UNC5C: variants seen among roughly 807,000 people sequenced by gnomAD.
The protein encoded by UNC5C is netrin receptor UNC5C.
A neutral mutation model predicts 99.8 loss-of-function variants in UNC5C; 47 were observed. That is an observed-to-expected ratio of 0.47 (90% CI 0.37 to 0.60). The LOEUF is 0.60. Ranked by LOEUF, UNC5C falls within the 20% of genes least tolerant of loss-of-function variation. The pLI, the probability that UNC5C is intolerant of heterozygous loss-of-function variation, is 0.00. For synonymous variants in UNC5C, 487 were observed against 452.2 expected (o/e 1.08, Z -0.98); for missense variants, 1,062 against 1,165.9 (o/e 0.91, Z 1.30).
intron 4 of UNC5C, among the ~76,000 whole-genome samples, chr4:95,267,560 C>T (rs1740493994): frequency 6.6e-6 from 1 of 152,102 alleles, no homozygotes; most frequent in Non-Finnish European, 1.5e-5. Context: ...GGAATGTGAG[C>T]CATAGTCGGC....
At chr4:95,543,732 T>A (rs1038447046) in intron 1 of UNC5C, among the ~76,000 whole-genome samples, 1 of 152,202 alleles carries the variant, frequency 6.6e-6, no homozygotes, top group African/African-American at 2.4e-5. Flanking sequence ...CAGTATCCCT[T>A]GAGAAAATAG....
At chr4:95,185,565 C>A (rs1010537785) in intron 12 of UNC5C, among the ~76,000 whole-genome samples, 3 of 152,076 alleles carry the variant, frequency 2.0e-5, no homozygotes, top group Non-Finnish European at 2.9e-5. Context: ...GAAATGTAGA[C>A]AAACTGATTG....
intron 1 of UNC5C, among the ~76,000 whole-genome samples, chr4:95,408,553 T>C (rs1273146469): frequency 6.6e-6 from 1 of 152,190 alleles, no homozygotes. Context: ...AAAGCATTTG[T>C]TACCAAGTAT....
intron 4 of UNC5C, among the ~76,000 whole-genome samples, chr4:95,271,042 T>C (rs1740640243): frequency 1.3e-5 from 2 of 152,154 alleles, no homozygotes; most frequent in South Asian, 4.1e-4. Flanking sequence ...ATATAAAAAT[T>C]ATTGGAAGAA....
chr4:95,349,322 GGTGT>G (rs151051852), intron 1 of UNC5C, among the ~76,000 whole-genome samples: 8 of 120,602 alleles, frequency 6.6e-5, no homozygotes, highest in Non-Finnish European at 9.2e-5. Flanking sequence ...AGAGAGAAAG[GGTGT>G]GTGTGTGTGT....
At chr4:95,364,296 T>A (rs377652599) in intron 1 of UNC5C, among the ~76,000 whole-genome samples, 1 of 152,184 alleles carries the variant, frequency 6.6e-6, no homozygotes, top group East Asian at 1.9e-4. Flanking sequence ...AACCTCTTTT[T>A]GATACACCAA....
intron 2 of UNC5C, among the ~76,000 whole-genome samples, chr4:95,327,068 A>G (rs1159434560): frequency 6.6e-6 from 1 of 152,178 alleles, no homozygotes; most frequent in Non-Finnish European, 1.5e-5. Context: ...ACGTTTCAAG[A>G]CTTAATGTAT....
rs1254201501 is a variant in UNC5C, at chr4:95,414,321, G to T, written c.125-78690C>A. 2.6e-5 allele frequency among the ~76,000 whole-genome samples: 4 copies of T among 151,998 alleles called. No homozygotes were observed. The East Asian group carries it at 7.7e-4, about 29-fold the overall frequency. ...ATACTGACGAAGAAATTAAGCAAGG[G>T]TCCAAGGGTCTACACTTCCTACAAA... On this transcript the variant is annotated intron_variant, in intron 1 of 15. Transcript: ENST00000453304.
chr4:95,358,657 C>A (rs757723444), intron 1 of UNC5C, among the ~76,000 whole-genome samples: 13 of 152,172 alleles, frequency 8.5e-5, no homozygotes, highest in Non-Finnish European at 1.8e-4. Context: ...AGGCTTCTGG[C>A]CTTTTCTCCC....
chr4:95,435,375 C>T (rs773885903), intron 1 of UNC5C, among the ~76,000 whole-genome samples: 9 of 151,926 alleles, frequency 5.9e-5, no homozygotes, highest in South Asian at 2.1e-4. Context: ...CTAGGTTCAC[C>T]GTCTTCAATT....
At chr4:95,545,093 T>G (rs1723023017) in intron 1 of UNC5C, among the ~76,000 whole-genome samples, 1 of 152,176 alleles carries the variant, frequency 6.6e-6, no homozygotes, top group Non-Finnish European at 1.5e-5. Context: ...GTTCATGTCC[T>G]TAGGGGGGGT....
chr4:95,489,967 G>A (rs1005738020), intron 1 of UNC5C, among the ~76,000 whole-genome samples: 4 of 151,566 alleles, frequency 2.6e-5, no homozygotes, highest in Non-Finnish European at 5.9e-5. Flanking sequence ...GGAACTTAAT[G>A]AGATTACCTA....
chr4:95,492,703 G>A (rs1017627304), intron 1 of UNC5C, among the ~76,000 whole-genome samples: 4 of 151,394 alleles, frequency 2.6e-5, no homozygotes, highest in African/African-American at 9.7e-5. Flanking sequence ...TAATGGAGAG[G>A]CCTGCTGTGA....
chr4:95,410,226 C>A (rs1422704489), intron 1 of UNC5C, among the ~76,000 whole-genome samples: 2 of 152,058 alleles, frequency 1.3e-5, no homozygotes, highest in African/African-American at 4.8e-5. Flanking sequence ...ACTGATGCAC[C>A]TCTTAATTAT....
chr4:95,389,082 C>T (rs1745286764), intron 1 of UNC5C, among the ~76,000 whole-genome samples: 1 of 152,018 alleles, frequency 6.6e-6, no homozygotes, highest in African/African-American at 2.4e-5. Context: ...TTTGATAGGC[C>T]TGCTGTTATT....
chr4:95,407,230 G>A (rs1745855493), intron 1 of UNC5C, among the ~76,000 whole-genome samples: 1 of 152,120 alleles, frequency 6.6e-6, no homozygotes, highest in Non-Finnish European at 1.5e-5. Context: ...AGTATCGATT[G>A]ACTATATGAA....
At position 95,219,051 on chromosome 4, in the gene UNC5C, A is replaced by T. The variant is rs1738361974; in HGVS notation, c.1563T>A (p.Ser521Arg). ...ENEALSLKNQ[S>R]LARQTDPSCT... Reference sequence around the variant, plus strand: ...AGGATGGATCAGTCTGCCTTGCTAGACTCTGGTTCTTCAGGCTGAGGGCTT... The same window carrying T: ...AGGATGGATCAGTCTGCCTTGCTAGTCTCTGGTTCTTCAGGCTGAGGGCTT... The change falls in exon 9 of 16, where the codon AGT (serine) becomes AGA (arginine). Residue 521 changes from serine to arginine, a missense_variant. By Grantham distance (110) the Ser-to-Arg change is moderately radical. Transcript: ENST00000453304. 1 of 1,614,020 alleles carries T rather than the reference A, an allele frequency of 6.2e-7. No individual in the cohort carries two copies. The highest frequency in any genetic ancestry group is 2.2e-5 in the East Asian group (1 of 44,874).
At chr4:95,537,538 C>T (rs374189438) in intron 1 of UNC5C, among the ~76,000 whole-genome samples, 11 of 152,032 alleles carry the variant, frequency 7.2e-5, no homozygotes, top group Admixed American at 3.9e-4. Flanking sequence ...TATGTTAGGA[C>T]GACTTACTAA....
chr4:95,270,513 CA>C (rs1740618146), intron 4 of UNC5C, among the ~76,000 whole-genome samples: 1 of 152,128 alleles, frequency 6.6e-6, no homozygotes, highest in South Asian at 2.1e-4. Flanking sequence ...AGGCATTTGC[CA>C]AGAAAGGGAA....
Sources: gnomAD v4.1 joint callset for allele counts (sites outside exome capture counted in the v4.1 genomes callset) on GRCh38, gnomAD v4.1.1 for gene constraint, MANE v1.5 for transcripts, NCBI Gene and HGNC (gene_info 2026-07-23, HGNC 2026-07-21) for gene names.